EIF2S2: variants seen among roughly 807,000 people sequenced by gnomAD.
EIF2S2 encodes eukaryotic translation initiation factor 2 subunit 2.
Under a neutral mutation model 44.0 loss-of-function variants are expected in EIF2S2, and 4 were observed. The ratio of observed to expected loss-of-function variants is 0.09; its 90% CI spans 0.04 to 0.21. The LOEUF (loss-of-function observed/expected upper bound fraction) is 0.21. EIF2S2 is among the 10% of genes least tolerant of loss of function. EIF2S2 has a pLI of 1.00. For synonymous variants in EIF2S2, 108 were observed against 128.3 expected (o/e 0.84, Z 1.07); for missense variants, 154 against 392.0 (o/e 0.39, Z 5.13).
At chr20:34,111,773 G>A (rs1446362083) in intron 1 of EIF2S2, among the ~76,000 whole-genome samples, 2 of 152,226 alleles carry the variant, frequency 1.3e-5, no homozygotes, top group Non-Finnish European at 2.9e-5. Flanking sequence ...GGAATGCAGG[G>A]ATCGCCAGCC....
chr20:34,108,602 T>C (rs899853086), intron 1 of EIF2S2, among the ~76,000 whole-genome samples: 8 of 152,186 alleles, frequency 5.3e-5, no homozygotes, highest in South Asian at 4.1e-4. Context: ...ACAGTGCACA[T>C]ATGGAAAACT....
At position 34,089,871 on chromosome 20, in the gene EIF2S2, C is replaced by T. The variant is rs1185236740; in HGVS notation, c.861G>A (p.Pro287=). The part of the protein sequence containing the change: ...EYVTCHTCRS[P]DTILQKDTRL... ...GTGTGTCCTTCTGCAGGATTGTGTC[C>T]GGTGATCGGCATGTGTGACAAGTGA... The change falls in exon 9 of 9, where the codon CCG becomes CCA. Residue 287 remains proline (P), a synonymous_variant. Transcript: ENST00000374980. The T allele has an allele frequency of 6.8e-6, 11 of 1,613,636 alleles. No homozygotes were observed. The highest frequency in any genetic ancestry group is 4.0e-5 in the African/African-American group (3 of 74,864).
At position 34,112,223 on chromosome 20, in the gene EIF2S2, G is replaced by C; in HGVS notation, c.-113C>G. Reference sequence around the variant, plus strand: ...TCTCCCACCACCGCACTAGGCTCTTGCATCAGCGAAAGGAAACGACACCCC... The same window carrying C: ...TCTCCCACCACCGCACTAGGCTCTTCCATCAGCGAAAGGAAACGACACCCC... On this transcript the variant is annotated 5_prime_UTR_variant, in exon 1 of 9. Transcript: ENST00000374980. The C allele has an allele frequency of 1.7e-6, 2 of 1,205,880 alleles. No individual in the cohort carries two copies. Among genetic ancestry groups the C allele is most frequent in the Non-Finnish European group, 2.2e-6 (2 of 908,448 alleles). 74.7% of individuals were successfully genotyped at this position (1,205,880 alleles called of 1,614,324 possible).
intron 3 of EIF2S2, among the ~76,000 whole-genome samples, chr20:34,101,740 T>C (rs2122421347): frequency 6.6e-6 from 1 of 150,794 alleles, no homozygotes; most frequent in East Asian, 2.0e-4. Context: ...AGTGGCGCTA[T>C]CTCAGCTTAC....
chr20:34,109,307 C>T (rs891234105), intron 1 of EIF2S2, among the ~76,000 whole-genome samples: 1 of 152,076 alleles, frequency 6.6e-6, no homozygotes, highest in Non-Finnish European at 1.5e-5. Flanking sequence ...CTGCTTTTAA[C>T]AAATAGTCTG....
At chr20:34,097,065 T>C (rs2034237615) in intron 5 of EIF2S2, among the ~76,000 whole-genome samples, 1 of 152,170 alleles carries the variant, frequency 6.6e-6, no homozygotes, top group Non-Finnish European at 1.5e-5. Context: ...GCAAAGTACA[T>C]GATACATGGA....
intron 1 of EIF2S2, among the ~76,000 whole-genome samples, chr20:34,109,408 T>C (rs950576935): frequency 6.6e-6 from 1 of 152,202 alleles, no homozygotes; most frequent in Non-Finnish European, 1.5e-5. Context: ...TTAAAGATCA[T>C]GGTTCCATGT....
At chr20:34,100,833 G>A (rs895541957) in intron 3 of EIF2S2, among the ~76,000 whole-genome samples, 5 of 152,124 alleles carry the variant, frequency 3.3e-5, no homozygotes, top group Non-Finnish European at 7.3e-5. Context: ...AGGCATGGAT[G>A]TAAACAGGGC....
chr20:34,098,965 T>C lies in EIF2S2; in HGVS notation c.298-332A>G, dbSNP rs189296373. 2.1e-3 allele frequency among the ~76,000 whole-genome samples: 316 copies of C among 152,364 alleles called. 1 individual carries two copies. Among genetic ancestry groups the C allele is most frequent in the Non-Finnish European group, 2.1e-3 (141 of 68,030 alleles). ...CTCACAGAGACTCTGCCATTTGAAC[T>C]GTGAATTCTTCAAGACACTTGTGGG... On this transcript the variant is annotated intron_variant, in intron 3 of 8. Transcript: ENST00000374980.
chr20:34,096,305 AT>A (rs1312065478), intron 6 of EIF2S2, among the ~76,000 whole-genome samples: 1 of 151,868 alleles, frequency 6.6e-6, no homozygotes, highest in African/African-American at 2.4e-5. Context: ...AAAAAAAAAA[AT>A]TTTTTTAAAT....
At chr20:34,090,824 C>A (rs1177767719) in intron 7 of EIF2S2, among the ~76,000 whole-genome samples, 2 of 152,182 alleles carry the variant, frequency 1.3e-5, no homozygotes, top group Non-Finnish European at 2.9e-5. Flanking sequence ...TCATGGCTCA[C>A]TGCACCTTCA....
chr20:34,102,744 T>C (rs1466877365), intron 3 of EIF2S2, among the ~76,000 whole-genome samples: 1 of 152,180 alleles, frequency 6.6e-6, no homozygotes, highest in African/African-American at 2.4e-5. Context: ...TTGGGTTTTA[T>C]AAATAGACAT....
chr20:34,111,353 C>A (rs2034409804), intron 1 of EIF2S2, among the ~76,000 whole-genome samples: 1 of 152,118 alleles, frequency 6.6e-6, no homozygotes. Context: ...AGTCGTTAGA[C>A]GTTATATCAA....
chr20:34,109,575 C>T (rs988533957), intron 1 of EIF2S2, among the ~76,000 whole-genome samples: 1 of 151,292 alleles, frequency 6.6e-6, no homozygotes, highest in Admixed American at 6.6e-5. Context: ...CAGGAGGATC[C>T]CCTGAGCCCA....
At chr20:34,106,951 G>T (rs1000741050) in intron 1 of EIF2S2, among the ~76,000 whole-genome samples, 3 of 152,174 alleles carry the variant, frequency 2.0e-5, no homozygotes, top group Non-Finnish European at 4.4e-5. Flanking sequence ...GGAGGCCGAG[G>T]CGGGCGGATC....
At chr20:34,109,884 CAGA>C (rs2034392302) in intron 1 of EIF2S2, among the ~76,000 whole-genome samples, 1 of 149,528 alleles carries the variant, frequency 6.7e-6, no homozygotes, top group Admixed American at 6.7e-5. Flanking sequence ...GCAGGCGAAT[CAGA>C]AGGTCAGGAG....
chr20:34,101,306 G>A (rs2034292426), intron 3 of EIF2S2, among the ~76,000 whole-genome samples: 1 of 152,198 alleles, frequency 6.6e-6, no homozygotes, highest in Non-Finnish European at 1.5e-5. Flanking sequence ...AGCCCAGCGT[G>A]GTGGCGGGTG....
intron 1 of EIF2S2, among the ~76,000 whole-genome samples, chr20:34,110,637 CCA>C (rs2034402232): frequency 6.6e-6 from 1 of 152,142 alleles, no homozygotes; most frequent in Admixed American, 6.5e-5. Flanking sequence ...AAGCCTAATC[CCA>C]CTGATCCCTC....
chr20:34,106,140 A>G (rs2034347069), intron 1 of EIF2S2, among the ~76,000 whole-genome samples: 1 of 152,090 alleles, frequency 6.6e-6, no homozygotes, highest in African/African-American at 2.4e-5. Flanking sequence ...AGGTGGTCAC[A>G]AACTGCCAGG....
Sources: gnomAD v4.1 joint callset for allele counts (sites outside exome capture counted in the v4.1 genomes callset) on GRCh38, gnomAD v4.1.1 for gene constraint, MANE v1.5 for transcripts, NCBI Gene and HGNC (gene_info 2026-07-23, HGNC 2026-07-21) for gene names.